Variants in IQCH observed in about 807,000 individuals in gnomAD.
IQCH encodes the protein IQ motif containing H.
A neutral mutation model predicts 117.0 loss-of-function variants in IQCH; 98 were observed. That is an observed-to-expected ratio of 0.84 (90% CI 0.71 to 0.99). The LOEUF is 0.99. Among genes scored for constraint, IQCH ranks in the 50% least tolerant of loss-of-function variants. The pLI, the probability that IQCH is intolerant of heterozygous loss-of-function variation, is 0.00. For missense variants in IQCH, 1,102 were observed against 1,243.8 expected, an observed-to-expected ratio of 0.89 and a Z score of 1.72; for synonymous variants, 412 against 448.2, an observed-to-expected ratio of 0.92 and a Z score of 1.02.
At position 67,416,549 on chromosome 15, in the gene IQCH, CAAAA is replaced by C. The variant is rs543905687; in HGVS notation, c.2098-377_2098-374del. Reference sequence around the variant, plus strand: ...AAAAAGAAAAAACAAAAAACAAAAACAAAAAAAACAGTTAACCCCACATTTTATA... The same window carrying C: ...AAAAAGAAAAAACAAAAAACAAAAACAAAACAGTTAACCCCACATTTTATA... On this transcript the variant is annotated intron_variant, in intron 14 of 20. Coordinates refer to ENST00000335894, the MANE Select transcript of IQCH (RefSeq NM_001031715.3). The surrounding 1 kb of genome is among the most constrained non-coding windows in gnomAD (Gnocchi z 5.1). Among the ~76,000 whole-genome samples, 5 of 150,122 alleles carry C rather than the reference CAAAA, an allele frequency of 3.3e-5. No individual in the cohort carries two copies. The highest frequency in any genetic ancestry group is 9.8e-5 in the African/African-American group (4 of 40,870).
intron 4 of IQCH, among the ~76,000 whole-genome samples, chr15:67,321,503 CTTTCTTTCTT>C (rs1968127552): frequency 7.6e-6 from 1 of 131,288 alleles, no homozygotes; most frequent in African/African-American, 3.2e-5. Context: ...TTTCTTTTTT[CTTTCTTTCTT>C]TTTCTTTCTT....
chr15:67,381,089 A>T lies in IQCH; in HGVS notation c.1373-3847A>T, dbSNP rs560957788. On this transcript the variant is annotated intron_variant, in intron 10 of 20. Transcript: ENST00000335894. The surrounding 1 kb of genome is among the most constrained non-coding windows in gnomAD (Gnocchi z 5.1). ...GTCACAGAGACATGCACCAGTGCCA[A>T]GGGGGCTCAGTCACTCAGTGTGGCC... is the stretch of plus-strand genomic sequence containing the variant. 6.6e-6 allele frequency among the ~76,000 whole-genome samples: 1 copy of T among 152,352 alleles called. No individual in the cohort carries two copies. The highest frequency in any genetic ancestry group is 1.9e-4 in the East Asian group (1 of 5,188).
rs995726880 is a variant in IQCH, at chr15:67,494,363, T to G, written c.2967T>G (p.Phe989Leu). 6.2e-7 allele frequency: 1 copy of G among 1,600,714 alleles called. No homozygotes were observed. The highest frequency in any genetic ancestry group is 1.1e-5 in the South Asian group (1 of 89,644). Residue 989 changes from phenylalanine (F) to leucine (L), a missense_variant, in exon 20 of 21, where the codon TTT (phenylalanine) becomes TTG (leucine). Physicochemically the swap from Phe to Leu is conservative, Grantham distance 22 (BLOSUM62 0). Transcript: ENST00000335894. This position sits in a 1 kb window ranked among gnomAD's most constrained non-coding sequence, Gnocchi z 5.5. Reference sequence around the variant, plus strand: ...CTAATATGCAAGGCGAGACCAATTTTAAGGTGAGGTGTTAATTAACTAACG... The same window carrying G: ...CTAATATGCAAGGCGAGACCAATTTGAAGGTGAGGTGTTAATTAACTAACG... ...SAPNMQGETNFKTTIADIETI... is the reference protein window; with the variant it reads ...SAPNMQGETNLKTTIADIETI...
intron 16 of IQCH, among the ~76,000 whole-genome samples, chr15:67,461,045 T>A (rs901519740): frequency 1.3e-5 from 2 of 152,162 alleles, no homozygotes; most frequent in Non-Finnish European, 2.9e-5. Context: ...GCTGAGAGAT[T>A]AGATTCTAAA....
At chr15:67,382,046 G>C (rs1220212864) in intron 10 of IQCH, among the ~76,000 whole-genome samples, 3 of 152,032 alleles carry the variant, frequency 2.0e-5, no homozygotes, top group Admixed American at 6.6e-5. Flanking sequence ...TCGTTTATTT[G>C]ACTGGAGATT....
At chr15:67,378,212 A>G (rs941060119) in intron 10 of IQCH, among the ~76,000 whole-genome samples, 1 of 151,894 alleles carries the variant, frequency 6.6e-6, no homozygotes, top group Non-Finnish European at 1.5e-5. Flanking sequence ...TAGATCTGCA[A>G]TCACTTTTTA....
chr15:67,350,917 C>T (rs559829101), intron 6 of IQCH, among the ~76,000 whole-genome samples: 8 of 152,086 alleles, frequency 5.3e-5, no homozygotes, highest in South Asian at 2.1e-4. Context: ...GGGAGCTGTA[C>T]GCAAAGCTGG....
At chr15:67,354,774 G>A (rs1388402279) in intron 6 of IQCH, among the ~76,000 whole-genome samples, 4 of 152,184 alleles carry the variant, frequency 2.6e-5, no homozygotes, top group Non-Finnish European at 5.9e-5. Flanking sequence ...GCCTAGGGAT[G>A]GTGGCATTGA....
At chr15:67,307,586 A>G (rs916698197) in intron 4 of IQCH, among the ~76,000 whole-genome samples, 1 of 152,164 alleles carries the variant, frequency 6.6e-6, no homozygotes, top group Non-Finnish European at 1.5e-5. Flanking sequence ...GCATATGGCC[A>G]CAATTACAGT....
In IQCH at chr15:67,425,082, C is replaced by A. The variant is rs2081851317; in HGVS notation, c.2505+3505C>A. The stretch of plus-strand genomic sequence containing the variant: ...CATTTCTTTGATTATTAGTGAAGAT[C>A]CACACCTCTTCATATGTTTGTTTGC... On this transcript the variant is annotated intron_variant, in intron 16 of 20. Coordinates refer to ENST00000335894, the MANE Select transcript of IQCH (RefSeq NM_001031715.3). This position sits in a 1 kb window ranked among gnomAD's most constrained non-coding sequence, Gnocchi z 5.5. 6.6e-6 allele frequency among the ~76,000 whole-genome samples: 1 copy of A among 152,112 alleles called. No homozygotes were observed. The highest frequency in any genetic ancestry group is 2.4e-5 in the African/African-American group (1 of 41,398).
At chr15:67,317,520 A>T in intron 4 of IQCH, among the ~76,000 whole-genome samples, 1 of 152,012 alleles carries the variant, frequency 6.6e-6, no homozygotes, top group East Asian at 1.9e-4. Flanking sequence ...CTTTTTGTCC[A>T]TGATAATGTC....
At chr15:67,300,333 C>T (rs1403527104) in intron 4 of IQCH, among the ~76,000 whole-genome samples, 1 of 152,042 alleles carries the variant, frequency 6.6e-6, no homozygotes, top group Admixed American at 6.6e-5. Flanking sequence ...TTACAAGATA[C>T]TTACCATACA....
At position 67,459,982 on chromosome 15, in the gene IQCH, A is replaced by G. The variant is rs1391456939; in HGVS notation, c.2506-5145A>G. 1.4e-5 allele frequency: 2 copies of G among 141,594 alleles called. No individual in the cohort carries two copies. Among genetic ancestry groups the G allele is most frequent in the Non-Finnish European group, 3.1e-5 (2 of 63,746 alleles). 8.8% of individuals were successfully genotyped at this position (141,594 alleles called of 1,614,324 possible). ...GGGCAACAAGATCTTGTCTCTACAA[A>G]AAAGGAAAGAAAAAAAAATTAGCAG... is the stretch of plus-strand genomic sequence containing the variant. On this transcript the variant is annotated intron_variant, in intron 16 of 20. Coordinates refer to ENST00000335894, the MANE Select transcript of IQCH (RefSeq NM_001031715.3). This position sits in a 1 kb window ranked among gnomAD's most constrained non-coding sequence, Gnocchi z 4.2.
intron 16 of IQCH, among the ~76,000 whole-genome samples, chr15:67,441,122 CAAAAAAAAAAAAAAAA>C (rs200254535): frequency 0.3 from 16,556 of 55,358 alleles, 1,499 homozygotes; most frequent in South Asian, 0.44. Flanking sequence ...GCAATAGCTG[CAAAAAAAAAAAAAAAA>C]AAAAAAAAAA....
Position 67,386,486 on chromosome 15 carries a change from T to C in IQCH, c.1456+1467T>C, listed in dbSNP as rs143117219. Among the ~76,000 whole-genome samples, 718 of 152,272 alleles carry C rather than the reference T, an allele frequency of 4.7e-3. 6 individuals carry two copies. Among genetic ancestry groups the C allele is most frequent in the African/African-American group, 0.016 (671 of 41,560 alleles). Reference sequence around the variant, plus strand: ...AGTCTTCAAGAGGAGTAATGAAAGTTTAGAAATAGTAGTTAGATGAAGAAA... The same window carrying C: ...AGTCTTCAAGAGGAGTAATGAAAGTCTAGAAATAGTAGTTAGATGAAGAAA... On this transcript the variant is annotated intron_variant, in intron 11 of 20. Coordinates refer to ENST00000335894, the MANE Select transcript of IQCH (RefSeq NM_001031715.3). This position sits in a 1 kb window ranked among gnomAD's most constrained non-coding sequence, Gnocchi z 5.0.
In IQCH at chr15:67,475,219, G is replaced by A. The variant is rs564647144; in HGVS notation, c.2677-477G>A. ...GGGCCAGGTGTGGTGGCTCACGCCGGTAATTCCAGCATTTTGGGAGGCCGA... is the reference window on the plus strand; with the variant it reads ...GGGCCAGGTGTGGTGGCTCACGCCGATAATTCCAGCATTTTGGGAGGCCGA... On this transcript the variant is annotated intron_variant, in intron 17 of 20. Coordinates refer to ENST00000335894, the MANE Select transcript of IQCH (RefSeq NM_001031715.3). This position sits in a 1 kb window ranked among gnomAD's most constrained non-coding sequence, Gnocchi z 5.7. Among the ~76,000 whole-genome samples the A allele has an allele frequency of 6.6e-6, 1 of 152,222 alleles. No homozygotes were observed. Among genetic ancestry groups the A allele is most frequent in the South Asian group, 2.1e-4 (1 of 4,832 alleles).
At position 67,373,356 on chromosome 15, in the gene IQCH, T is replaced by A; in HGVS notation, c.1306-11T>A. On this transcript the variant is annotated splice_polypyrimidine_tract_variant and intron_variant, in intron 9 of 20. Transcript: ENST00000335894. ...TTCCTGTCACTGATCAATGCTCTTC[T>A]TGATTTTTAGCATCTGGCAGCCAAC... 1 of 1,603,642 alleles carries A rather than the reference T, an allele frequency of 6.2e-7. No homozygotes were observed.
intron 18 of IQCH, among the ~76,000 whole-genome samples, chr15:67,486,206 C>A (rs1010712463): frequency 1.3e-5 from 2 of 150,838 alleles, no homozygotes; most frequent in Admixed American, 1.3e-4. Flanking sequence ...AATTTTTTTT[C>A]TTTTTGTATT....
intron 18 of IQCH, among the ~76,000 whole-genome samples, chr15:67,489,334 A>T (rs560940127): frequency 7.3e-6 from 1 of 136,772 alleles, no homozygotes; most frequent in Non-Finnish European, 1.6e-5. Flanking sequence ...CGCCCGGCCA[A>T]TTTTTTTTGA....
Sources: gnomAD v4.1 joint callset for allele counts (sites outside exome capture counted in the v4.1 genomes callset) on GRCh38, gnomAD v4.1.1 for gene constraint, Gnocchi (gnomAD v3.1) non-coding constraint, MANE v1.5 for transcripts, NCBI Gene and HGNC (gene_info 2026-07-23, HGNC 2026-07-21) for gene names.